The following RFX3 variants were observed in gnomAD, a reference collection of about 807,000 sequenced individuals.
RFX3 encodes regulatory factor X3.
A neutral mutation model predicts 98.6 loss-of-function variants in RFX3; 14 were observed. The observed-to-expected ratio is 0.14, with a 90% CI of 0.09 to 0.22. The LOEUF is 0.22. Ranked by LOEUF, RFX3 falls within the 10% of genes least tolerant of loss-of-function variation. The probability of loss-of-function intolerance (pLI) is 1.00; values close to 1 mark genes in which losing one functional copy is unlikely to be tolerated. For synonymous variants in RFX3, 383 were observed against 328.4 expected (o/e 1.17, Z -1.80); for missense variants, 639 against 926.9 (o/e 0.69, Z 4.03).
chr9:3,284,658 C>T (rs1826342648), intron 7 of RFX3, among the ~76,000 whole-genome samples: 3 of 151,720 alleles, frequency 2.0e-5, no homozygotes, highest in Non-Finnish European at 4.4e-5. Context: ...TGCCCCTCCA[C>T]GGAGTGTCCA....
At chr9:3,343,438 T>C (rs1195656139) in intron 3 of RFX3, among the ~76,000 whole-genome samples, 1 of 152,160 alleles carries the variant, frequency 6.6e-6, no homozygotes, top group Admixed American at 6.6e-5. Context: ...TAATATGGAA[T>C]ATTCTTTCCT....
intron 8 of RFX3, among the ~76,000 whole-genome samples, chr9:3,275,871 T>G (rs953349128): frequency 2.0e-5 from 3 of 152,088 alleles, no homozygotes; most frequent in Admixed American, 6.6e-5. Context: ...AATAGTATAC[T>G]GCATATCACA....
intron 15 of RFX3, among the ~76,000 whole-genome samples, chr9:3,237,386 T>C (rs1819301875): frequency 6.6e-6 from 1 of 152,202 alleles, no homozygotes; most frequent in Non-Finnish European, 1.5e-5. Context: ...AGCAGTACAG[T>C]ATTATCAATG....
At chr9:3,366,286 G>A (rs911513937) in intron 2 of RFX3, among the ~76,000 whole-genome samples, 3 of 152,138 alleles carry the variant, frequency 2.0e-5, no homozygotes, top group Non-Finnish European at 2.9e-5. Context: ...TAGGAACCTA[G>A]GTGAGATATG....
intron 1 of RFX3, among the ~76,000 whole-genome samples, chr9:3,510,911 G>C (rs559646576): frequency 6.6e-6 from 1 of 152,056 alleles, no homozygotes; most frequent in East Asian, 1.9e-4. Flanking sequence ...CCTAATGTCA[G>C]TTAGAATTAT....
intron 1 of RFX3, among the ~76,000 whole-genome samples, chr9:3,521,529 T>A (rs117369898): frequency 6.6e-6 from 1 of 152,156 alleles, no homozygotes. Context: ...GCATCTGTTA[T>A]AAGAAATATA....
At chr9:3,348,046 G>A (rs1361846806) in intron 2 of RFX3, among the ~76,000 whole-genome samples, 2 of 152,020 alleles carry the variant, frequency 1.3e-5, no homozygotes, top group South Asian at 2.1e-4. Flanking sequence ...TCCAAACATG[G>A]TCTACATAAT....
chr9:3,350,612 C>G (rs988675557), intron 2 of RFX3, among the ~76,000 whole-genome samples: 1 of 152,108 alleles, frequency 6.6e-6, no homozygotes, highest in Non-Finnish European at 1.5e-5. Flanking sequence ...AACAGGCAAA[C>G]ACGTTTATAA....
At chr9:3,388,949 G>C (rs1840001026) in intron 2 of RFX3, among the ~76,000 whole-genome samples, 1 of 152,092 alleles carries the variant, frequency 6.6e-6, no homozygotes, top group African/African-American at 2.4e-5. Flanking sequence ...AAGACAGACA[G>C]AGATAGTAGA....
chr9:3,313,721 A>T (rs760715486), intron 4 of RFX3, among the ~76,000 whole-genome samples: 4 of 152,252 alleles, frequency 2.6e-5, no homozygotes, highest in Non-Finnish European at 2.9e-5. Context: ...AACTACGTGA[A>T]GGATGCACAA....
intron 1 of RFX3, among the ~76,000 whole-genome samples, chr9:3,443,857 G>C (rs1467962255): frequency 1.3e-5 from 2 of 152,006 alleles, no homozygotes; most frequent in Non-Finnish European, 2.9e-5. Context: ...CCGCAACCTT[G>C]CCAGCAGCTG....
intron 1 of RFX3, among the ~76,000 whole-genome samples, chr9:3,518,126 A>G (rs951930392): frequency 6.6e-6 from 1 of 152,244 alleles, no homozygotes; most frequent in Non-Finnish European, 1.5e-5. Context: ...ACTATATAGC[A>G]TAGGCGTGTA....
intron 1 of RFX3, chr9:3,469,179 T>C (rs1019634722): frequency 4.4e-6 from 2 of 455,618 alleles, no homozygotes; most frequent in Non-Finnish European, 8.8e-6. Context: ...AAGAAATACA[T>C]GTCCAAAGTT....
chr9:3,446,494 G>A (rs1846064737), intron 1 of RFX3, among the ~76,000 whole-genome samples: 1 of 151,892 alleles, frequency 6.6e-6, no homozygotes, highest in South Asian at 2.1e-4. Flanking sequence ...GAAAGCCAGA[G>A]GAATAACCTT....
intron 1 of RFX3, among the ~76,000 whole-genome samples, chr9:3,407,964 C>T (rs1842106724): frequency 6.6e-6 from 1 of 152,106 alleles, no homozygotes; most frequent in Non-Finnish European, 1.5e-5. Context: ...ACAGTGATTT[C>T]AGAATCTTTT....
At chr9:3,253,162 C>T (rs1821654682) in intron 14 of RFX3, among the ~76,000 whole-genome samples, 1 of 152,136 alleles carries the variant, frequency 6.6e-6, no homozygotes, top group Non-Finnish European at 1.5e-5. Context: ...ATCTTTATAA[C>T]TCATGGCGTG....
intron 1 of RFX3, among the ~76,000 whole-genome samples, chr9:3,410,957 A>C (rs1009287607): frequency 6.6e-6 from 1 of 152,132 alleles, no homozygotes; most frequent in African/African-American, 2.4e-5. Flanking sequence ...GTAGAAGCAA[A>C]CACCTCCCAG....
At chr9:3,358,143 T>C (rs1166405225) in intron 2 of RFX3, among the ~76,000 whole-genome samples, 1 of 152,142 alleles carries the variant, frequency 6.6e-6, no homozygotes, top group Non-Finnish European at 1.5e-5. Context: ...TTTCCTTGTG[T>C]ATAAAATAAA....
At chr9:3,241,582 A>G (rs547020921) in intron 15 of RFX3, among the ~76,000 whole-genome samples, 76 of 152,318 alleles carry the variant, frequency 5.0e-4, no homozygotes, top group Middle Eastern at 3.4e-3. Context: ...AAGGAAGAAA[A>G]AATGGGACAC....
Sources: gnomAD v4.1 joint callset for allele counts (sites outside exome capture counted in the v4.1 genomes callset) on GRCh38, gnomAD v4.1.1 for gene constraint, MANE v1.5 for transcripts, NCBI Gene and HGNC (gene_info 2026-07-23, HGNC 2026-07-21) for gene names.